The following TFCP2 variants were observed in gnomAD, a reference collection of about 807,000 sequenced individuals.
The protein encoded by TFCP2 is transcription factor CP2, also known as alpha-globin transcription factor CP2.
Under a neutral mutation model 73.4 loss-of-function variants are expected in TFCP2, and 33 were observed. The ratio of observed to expected loss-of-function variants is 0.45; its 90% CI spans 0.34 to 0.60. TFCP2 has a LOEUF of 0.60. TFCP2 is among the 20% of genes least tolerant of loss of function. The probability of loss-of-function intolerance (pLI) is 0.01; values close to 1 mark genes in which losing one functional copy is unlikely to be tolerated. For missense variants in TFCP2, 352 were observed against 604.0 expected, an observed-to-expected ratio of 0.58 and a Z score of 4.37; for synonymous variants, 193 against 211.6, an observed-to-expected ratio of 0.91 and a Z score of 0.76.
intron 2 of TFCP2, 37 bp from the exon 3 acceptor site, chr12:51,117,784 A>G: frequency 7.0e-7 from 1 of 1,427,906 alleles, no homozygotes; most frequent in Non-Finnish European, 9.8e-7. Context: ...TATTCACCAC[A>G]AATTAACTTT....
chr12:51,150,024 T>G (rs1941388618), intron 1 of TFCP2, among the ~76,000 whole-genome samples: 1 of 152,218 alleles, frequency 6.6e-6, no homozygotes, highest in Non-Finnish European at 1.5e-5. Context: ...TTTCCTCAGT[T>G]ACATCCCCTC....
intron 3 of TFCP2, among the ~76,000 whole-genome samples, chr12:51,116,791 A>G (rs1940538109): frequency 6.6e-6 from 1 of 151,846 alleles, no homozygotes; most frequent in Non-Finnish European, 1.5e-5. Context: ...CTAATTTTGT[A>G]TTTTTTGTAG....
intron 5 of TFCP2, among the ~76,000 whole-genome samples, chr12:51,109,659 A>G (rs11169710): frequency 0.43 from 65,697 of 151,622 alleles, 15,967 homozygotes; most frequent in Non-Finnish European, 0.56. Flanking sequence ...GAAAGTTCAC[A>G]GCAATAGTGG....
chr12:51,139,891 A>G (rs1941150446), intron 1 of TFCP2, among the ~76,000 whole-genome samples: 1 of 152,212 alleles, frequency 6.6e-6, no homozygotes. Context: ...AGGCTACAGT[A>G]ATTAGAAATG....
chr12:51,126,449 T>C (rs1940821691), intron 1 of TFCP2, among the ~76,000 whole-genome samples: 1 of 151,990 alleles, frequency 6.6e-6, no homozygotes, highest in Non-Finnish European at 1.5e-5. Flanking sequence ...TGCTTCATGG[T>C]CCCCCGAGGT....
chr12:51,104,250 G>A (rs900379935), intron 8 of TFCP2, 47 bp from the exon 9 acceptor site: 2 of 1,522,370 alleles, frequency 1.3e-6, no homozygotes, highest in Non-Finnish European at 1.8e-6. Context: ...ACACATGCTG[G>A]GGCTCATTAT....
intron 1 of TFCP2, among the ~76,000 whole-genome samples, chr12:51,126,026 C>T (rs1263590143): frequency 2.0e-5 from 3 of 151,774 alleles, no homozygotes; most frequent in Admixed American, 6.6e-5. Context: ...GTCAGGAGAT[C>T]GAGACCATCC....
intron 1 of TFCP2, among the ~76,000 whole-genome samples, chr12:51,159,586 G>A (rs986579100): frequency 5.3e-5 from 8 of 152,218 alleles, no homozygotes; most frequent in Admixed American, 3.3e-4. Context: ...CCAAAGCGCT[G>A]GGATTGCAGG....
In TFCP2 at chr12:51,118,337, GAGGTC is replaced by G. The variant is rs1334534620; in HGVS notation, c.274+279_274+283del. On this transcript the variant is annotated intron_variant, in intron 2 of 14. Transcript: ENST00000257915. The stretch of plus-strand genomic sequence containing the variant: ...TGGGAGGCCAAGGCAGGCGGATCAT[GAGGTC>G]AGGAGATCGAGACCATCCTGGCTAA... 2.0e-5 allele frequency among the ~76,000 whole-genome samples: 3 copies of G among 152,296 alleles called. No individual in the cohort carries two copies. The East Asian group carries it at 5.8e-4, about 29-fold the overall frequency.
At chr12:51,108,467 T>G (rs1268942238) in intron 6 of TFCP2, among the ~76,000 whole-genome samples, 1 of 152,086 alleles carries the variant, frequency 6.6e-6, no homozygotes, top group African/African-American at 2.4e-5. Flanking sequence ...TATTTATTCA[T>G]GTGATAAAAA....
intron 1 of TFCP2, among the ~76,000 whole-genome samples, chr12:51,155,347 C>A (rs565354347): frequency 2.3e-4 from 35 of 152,322 alleles, no homozygotes; most frequent in African/African-American, 7.9e-4. Context: ...TAAGCCAATT[C>A]CCCTAATAAA....
intron 1 of TFCP2, among the ~76,000 whole-genome samples, chr12:51,133,015 T>C (rs1324727509): frequency 6.6e-6 from 1 of 152,150 alleles, no homozygotes; most frequent in African/African-American, 2.4e-5. Flanking sequence ...TTGTGCGTGG[T>C]TTGTTATGCA....
chr12:51,130,065 C>T (rs539696860), intron 1 of TFCP2, among the ~76,000 whole-genome samples: 1 of 152,204 alleles, frequency 6.6e-6, no homozygotes, highest in East Asian at 1.9e-4. Context: ...GTAGGAGGAT[C>T]GCTTGAGCCT....
intron 3 of TFCP2, among the ~76,000 whole-genome samples, chr12:51,117,005 ACTC>A (rs1251395289): frequency 6.6e-6 from 1 of 152,040 alleles, no homozygotes; most frequent in Non-Finnish European, 1.5e-5. Flanking sequence ...GGAATAAAGT[ACTC>A]CTGTCTGAAG....
intron 4 of TFCP2, among the ~76,000 whole-genome samples, chr12:51,114,370 C>A (rs1399066122): frequency 6.6e-6 from 1 of 152,140 alleles, no homozygotes; most frequent in Non-Finnish European, 1.5e-5. Context: ...CTTTGGGAGG[C>A]CAAGGCGGGT....
intron 1 of TFCP2, among the ~76,000 whole-genome samples, chr12:51,170,884 T>C (rs1856679604): frequency 6.6e-6 from 1 of 151,914 alleles, no homozygotes; most frequent in African/African-American, 2.4e-5. Flanking sequence ...TTCACCATGT[T>C]GGCCAGGCTG....
intron 8 of TFCP2, 59 bp downstream of exon 8, chr12:51,106,466 G>C (rs1940245229): frequency 1.6e-6 from 2 of 1,250,264 alleles, no homozygotes; most frequent in Non-Finnish European, 2.3e-6. Flanking sequence ...TTTATGAACA[G>C]GTAATGAAAG....
chr12:51,154,366 T>G (rs1357741962), intron 1 of TFCP2, among the ~76,000 whole-genome samples: 1 of 152,122 alleles, frequency 6.6e-6, no homozygotes, highest in East Asian at 1.9e-4. Context: ...TAACAACAAC[T>G]AAAAATAAAA....
intron 1 of TFCP2, among the ~76,000 whole-genome samples, chr12:51,163,417 C>G (rs1941690896): frequency 6.6e-6 from 1 of 152,168 alleles, no homozygotes; most frequent in Admixed American, 6.5e-5. Context: ...TGGCAAAACC[C>G]TGTCTCTACT....
Sources: gnomAD v4.1 joint callset for allele counts (sites outside exome capture counted in the v4.1 genomes callset) on GRCh38, gnomAD v4.1.1 for gene constraint, MANE v1.5 for transcripts, NCBI Gene and HGNC (gene_info 2026-07-23, HGNC 2026-07-21) for gene names.